The following ANKFY1 variants were observed in gnomAD, a reference collection of about 807,000 sequenced individuals.
ANKFY1 encodes ankyrin repeat and FYVE domain containing 1, also known as ankyrin repeat and FYVE domain-containing protein 1.
Under a neutral mutation model 128.3 loss-of-function variants are expected in ANKFY1, and 47 were observed. The observed-to-expected ratio is 0.37, with a 90% CI of 0.29 to 0.47. ANKFY1 has a LOEUF of 0.47. ANKFY1 is among the 20% of genes least tolerant of loss of function. The pLI, the probability that ANKFY1 is intolerant of heterozygous loss-of-function variation, is 1.00. For synonymous variants in ANKFY1, 553 were observed against 601.6 expected (o/e 0.92, Z 1.18); for missense variants, 1,222 against 1,510.6 (o/e 0.81, Z 3.17).
chr17:4,212,587 A>C (rs9899416), intron 4 of ANKFY1, among the ~76,000 whole-genome samples: 5,006 of 152,258 alleles, frequency 0.033, 299 homozygotes, highest in African/African-American at 0.11. Flanking sequence ...AAAGGAAATC[A>C]CTTAATTTTA....
intron 1 of ANKFY1, chr17:4,249,288 G>A (rs1165261428): frequency 6.3e-6 from 1 of 159,388 alleles, no homozygotes; most frequent in Admixed American, 6.5e-5. Flanking sequence ...AATGAATGTG[G>A]CTGTTTCCCT....
At chr17:4,256,327 C>T (rs1204741076) in intron 1 of ANKFY1, among the ~76,000 whole-genome samples, 1 of 151,944 alleles carries the variant, frequency 6.6e-6, no homozygotes, top group Admixed American at 6.6e-5. Flanking sequence ...ACTCAGGAGG[C>T]GGAGGCAGGA....
intron 19 of ANKFY1, among the ~76,000 whole-genome samples, chr17:4,175,244 G>A (rs1400237566): frequency 6.6e-6 from 1 of 151,428 alleles, no homozygotes; most frequent in East Asian, 2.0e-4. Context: ...GAGATGGGAG[G>A]ATTGATTGAG....
At chr17:4,175,480 C>T (rs952528906) in intron 19 of ANKFY1, among the ~76,000 whole-genome samples, 2 of 152,146 alleles carry the variant, frequency 1.3e-5, no homozygotes, top group East Asian at 1.9e-4. Context: ...AAAAAACAAT[C>T]GCTGTAAACA....
chr17:4,186,915 A>C, intron 11 of ANKFY1: 1 of 1,116,292 alleles, frequency 9.0e-7, no homozygotes, highest in Non-Finnish European at 1.1e-6. Context: ...AGAAATTCAA[A>C]AATCACAATG....
intron 1 of ANKFY1, among the ~76,000 whole-genome samples, chr17:4,256,264 T>C (rs564812494): frequency 6.6e-6 from 1 of 152,110 alleles, no homozygotes; most frequent in South Asian, 2.1e-4. Context: ...CCGTCTCTAT[T>C]AAAAATACAA....
At chr17:4,196,096 T>C (rs1277895357) in intron 8 of ANKFY1, among the ~76,000 whole-genome samples, 190 of 27,916 alleles carry the variant, frequency 6.8e-3, no homozygotes, top group Admixed American at 9.3e-3. Flanking sequence ...GCCCCCCACC[T>C]CCCCCCAAAA....
At position 4,167,705 on chromosome 17, in the gene ANKFY1, G is replaced by A. The variant is rs2059234333; in HGVS notation, c.*74C>T. 6.9e-7 allele frequency: 1 copy of A among 1,445,774 alleles called. No individual in the cohort carries two copies. The highest frequency in any genetic ancestry group is 2.3e-5 in the Admixed American group (1 of 44,224). 89.6% of individuals were successfully genotyped at this position (1,445,774 alleles called of 1,614,324 possible). ...ACACCCGCCAGCTCCTGCTCTGGGT[G>A]GGGTCAGGCTGGTGAGCAGAGCAGC... On this transcript the variant is annotated 3_prime_UTR_variant, in exon 25 of 25. Transcript: ENST00000341657. The surrounding 1 kb of genome is among the most constrained non-coding windows in gnomAD (Gnocchi z 4.1).
chr17:4,190,853 A>G (rs2143008064), intron 10 of ANKFY1, among the ~76,000 whole-genome samples: 1 of 152,224 alleles, frequency 6.6e-6, no homozygotes, highest in Admixed American at 6.5e-5. Context: ...AAGAACTGTG[A>G]CAGCCGGGCA....
chr17:4,183,957 G>A, intron 12 of ANKFY1, 47 bp from the exon 13 acceptor site: 1 of 1,515,242 alleles, frequency 6.6e-7, no homozygotes, highest in Middle Eastern at 1.7e-4. Flanking sequence ...ACCATCTGTG[G>A]ATCACACTTA....
chr17:4,222,468 T>C (rs1390718703), intron 3 of ANKFY1: 7 of 824,490 alleles, frequency 8.5e-6, no homozygotes, highest in Admixed American at 3.4e-5. Context: ...CGGACAATGT[T>C]TTGGCAATGG....
chr17:4,207,737 C>T (rs145547104), intron 6 of ANKFY1, among the ~76,000 whole-genome samples, 196 bp downstream of exon 6: 1 of 150,146 alleles, frequency 6.7e-6, no homozygotes, highest in Non-Finnish European at 1.5e-5. Flanking sequence ...TTAAATTGGG[C>T]AATGGGCTAA....
intron 21 of ANKFY1, among the ~76,000 whole-genome samples, chr17:4,172,940 A>C (rs987179017): frequency 3.3e-5 from 5 of 152,204 alleles, no homozygotes; most frequent in African/African-American, 1.2e-4. Context: ...GCTCACTGCA[A>C]GCTCCGCCTC....
At chr17:4,253,178 G>A (rs186418630) in intron 1 of ANKFY1, among the ~76,000 whole-genome samples, 59 of 152,086 alleles carry the variant, frequency 3.9e-4, no homozygotes, top group Non-Finnish European at 2.2e-4. Context: ...CTGAGATCAA[G>A]CCACTGCACT....
intron 2 of ANKFY1, among the ~76,000 whole-genome samples, chr17:4,240,514 C>T (rs370159917): frequency 1.3e-5 from 2 of 152,042 alleles, no homozygotes; most frequent in East Asian, 3.9e-4. Context: ...GCCTCAGCTT[C>T]CCAAGTAGCT....
At chr17:4,256,675 A>C (rs1422093960) in intron 1 of ANKFY1, among the ~76,000 whole-genome samples, 1 of 152,162 alleles carries the variant, frequency 6.6e-6, no homozygotes, top group East Asian at 1.9e-4. Context: ...TATAACTAGA[A>C]AGCAACATGC....
chr17:4,206,254 A>G (rs2060021475), intron 7 of ANKFY1, 67 bp downstream of exon 7: 1 of 1,561,390 alleles, frequency 6.4e-7, no homozygotes, highest in South Asian at 1.1e-5. Flanking sequence ...CAAGGTCAGA[A>G]AGTCTTCAAA....
intron 1 of ANKFY1, among the ~76,000 whole-genome samples, chr17:4,249,925 T>C (rs1396830072): frequency 1.3e-5 from 2 of 152,162 alleles, no homozygotes; most frequent in East Asian, 1.9e-4. Flanking sequence ...TACTAAATAG[T>C]CACAATGATC....
chr17:4,222,492 C>T (rs2060342994), intron 3 of ANKFY1: 6 of 894,430 alleles, frequency 6.7e-6, no homozygotes, highest in Middle Eastern at 2.2e-4. Context: ...TGCCCCAGGG[C>T]AACATTTCTG....
Sources: allele counts gnomAD v4.1 joint callset (sites outside exome capture counted in the v4.1 genomes callset), GRCh38; gene constraint gnomAD v4.1.1; non-coding constraint Gnocchi (gnomAD v3.1); transcripts MANE v1.5; gene names NCBI Gene and HGNC (gene_info 2026-07-23, HGNC 2026-07-21).